The following APOBEC3A variants were observed in gnomAD, a reference collection of about 807,000 sequenced individuals.
APOBEC3A encodes apolipoprotein B mRNA editing enzyme catalytic subunit 3A.
Under a neutral mutation model 23.0 loss-of-function variants are expected in APOBEC3A, and 13 were observed. The ratio of observed to expected loss-of-function variants is 0.57; its 90% CI spans 0.37 to 0.90. The LOEUF (loss-of-function observed/expected upper bound fraction) is 0.90, where lower values mean the gene tolerates loss of function less well. Ranked by LOEUF, APOBEC3A falls within the 40% of genes least tolerant of loss-of-function variation. The pLI, the probability that APOBEC3A is intolerant of heterozygous loss-of-function variation, is 0.01. For missense variants in APOBEC3A, 179 were observed against 264.9 expected, an observed-to-expected ratio of 0.68 and a Z score of 2.25; for synonymous variants, 74 against 101.3, an observed-to-expected ratio of 0.73 and a Z score of 1.62.
rs1396193958 is a variant in APOBEC3A, at chr22:38,959,586, G to A, written c.74G>A (p.Gly25Asp). Residue 25 changes from glycine (G) to aspartate (D), a missense_variant, in exon 2 of 5, where the codon GGC (glycine) becomes GAC (aspartate). Physicochemically the swap from Gly to Asp is moderately conservative, Grantham distance 94 (BLOSUM62 -1). This residue lies in a region of APOBEC3A where 87 missense variants were observed against 74.5 expected (regional missense o/e 1.17). Coordinates refer to ENST00000249116, the MANE Select transcript of APOBEC3A (RefSeq NM_145699.4). ...PHIFTSNFNN[G>D]IGRHKTYLCY... ...ATATTCACTTCCAACTTTAACAATGGCATTGGAAGGCATAAGACCTACCTG... is the reference window on the plus strand; with the variant it reads ...ATATTCACTTCCAACTTTAACAATGACATTGGAAGGCATAAGACCTACCTG... 1 of 1,614,050 alleles carries A rather than the reference G, an allele frequency of 6.2e-7. No homozygotes were observed.
intron 1 of APOBEC3A, among the ~76,000 whole-genome samples, chr22:38,958,529 CTTTT>C (rs1389128495): frequency 6.2e-4 from 81 of 131,108 alleles, no homozygotes; most frequent in African/African-American, 2.3e-3. Context: ...TTCTTTCTTT[CTTTT>C]ACTTCCTTCC....
rs576529097 is a variant in APOBEC3A, at chr22:38,962,135, G to T, written c.507G>T (p.Gln169His). ...KHCWDTFVDHQGCPFQPWDGL... is the reference protein window; with the variant it reads ...KHCWDTFVDHHGCPFQPWDGL... ...GCTGGGACACCTTTGTGGACCACCA[G>T]GGATGTCCCTTCCAGCCCTGGGATG... is the stretch of plus-strand genomic sequence containing the variant. Residue 169 changes from glutamine to histidine, a missense_variant, in exon 4 of 5, where the codon CAG becomes CAT. This residue lies in a region of APOBEC3A where 37 missense variants were observed against 43.1 expected (regional missense o/e 0.86). Coordinates refer to ENST00000249116, the MANE Select transcript of APOBEC3A (RefSeq NM_145699.4). 6.2e-7 allele frequency: 1 copy of T among 1,613,086 alleles called. No homozygotes were observed.
chr22:38,958,419 C>T (rs556454082), intron 1 of APOBEC3A, among the ~76,000 whole-genome samples: 35 of 138,266 alleles, frequency 2.5e-4, no homozygotes, highest in African/African-American at 9.7e-4. Flanking sequence ...CCCTTCTGTG[C>T]TTCCTTCCTT....
Position 38,959,665 on chromosome 22 carries a change from C to T in APOBEC3A, c.153C>T (p.His51=). The T allele has an allele frequency of 1.2e-6, 2 of 1,613,896 alleles. No individual in the cohort carries two copies. Among genetic ancestry groups the T allele is most frequent in the African/African-American group, 1.3e-5 (1 of 75,028 alleles). Reference sequence around the variant, plus strand: ...GCACCTCGGTCAAGATGGACCAGCACAGGGGCTTTCTACACAACCAGGTGA... The same window carrying T: ...GCACCTCGGTCAAGATGGACCAGCATAGGGGCTTTCTACACAACCAGGTGA... The part of the protein sequence containing the change: ...DNGTSVKMDQ[H]RGFLHNQAKN... The change falls in exon 2 of 5, where the codon CAC becomes CAT. Residue 51 remains histidine (H), a synonymous_variant. Transcript: ENST00000249116.
chr22:38,957,750 G>T (rs981140702), intron 1 of APOBEC3A, 30 bp downstream of exon 1: 2 of 1,606,026 alleles, frequency 1.2e-6, no homozygotes, highest in Non-Finnish European at 1.7e-6. Flanking sequence ...GCACCTCTGC[G>T]CCTCAGCCTC....
At chr22:38,962,354 C>T (rs1922942501) in intron 4 of APOBEC3A, 141 bp downstream of exon 4, 1 of 1,556,648 alleles carries the variant, frequency 6.4e-7, no homozygotes. Context: ...CCCTCCCTTT[C>T]CTTCTCACAG....
rs1326649188 is a variant in APOBEC3A at position 38,962,917 on chromosome 22, T to C, written c.*408T>C. ...AGCTTGCGGTGAGCCGAGATTGCGC[T>C]ACTGCACTCCAGCCTGGGCGACAGT... On this transcript the variant is annotated 3_prime_UTR_variant, in exon 5 of 5. Coordinates refer to ENST00000249116, the MANE Select transcript of APOBEC3A (RefSeq NM_145699.4). 7.7e-5 allele frequency: 21 copies of C among 274,252 alleles called. 1 individual carries two copies. Among genetic ancestry groups the C allele is most frequent in the East Asian group, 3.5e-4 (3 of 8,484 alleles). The allele number at this position is 274,252 out of a possible 1,614,324, so 17.0% of individuals were successfully genotyped here.
intron 2 of APOBEC3A, among the ~76,000 whole-genome samples, chr22:38,960,878 G>A (rs1464498028): frequency 1.3e-5 from 2 of 151,712 alleles, no homozygotes; most frequent in Admixed American, 6.6e-5. Context: ...TCGGGGCTCC[G>A]CCGGCCCCTC....
Position 38,962,221 on chromosome 22 carries a change from C to T in APOBEC3A, c.585+8C>T. ...CTGCGGGCCATTCTCCAGGTGAGGG[C>T]TTCCTCCCTCTGCCCGGTGCCCCAT... On this transcript the variant is annotated splice_region_variant and intron_variant, in intron 4 of 4. Transcript: ENST00000249116. 1.9e-6 allele frequency: 3 copies of T among 1,613,182 alleles called. No homozygotes were observed. Among genetic ancestry groups the T allele is most frequent in the East Asian group, 2.2e-5 (1 of 44,858 alleles).
At chr22:38,961,954 G>A (rs1922913950) in intron 3 of APOBEC3A, 144 bp from the exon 4 acceptor site, 2 of 1,226,248 alleles carry the variant, frequency 1.6e-6, no homozygotes, top group Non-Finnish European at 1.1e-6. Flanking sequence ...ACTGCCTGAT[G>A]AAGGAGCTAA....
At chr22:38,959,471 G>A in intron 1 of APOBEC3A, 71 bp from the exon 2 acceptor site, 1 of 1,557,220 alleles carries the variant, frequency 6.4e-7, no homozygotes, top group South Asian at 1.2e-5. Context: ...AGGAAGTGTG[G>A]GGAGGGAGGA....
intron 1 of APOBEC3A, among the ~76,000 whole-genome samples, chr22:38,958,076 T>G (rs1415686936): frequency 6.6e-6 from 1 of 152,244 alleles, no homozygotes; most frequent in African/African-American, 2.4e-5. Context: ...GTATCTGGAC[T>G]TGGCCTAAGC....
Position 38,963,031 on chromosome 22 carries a change from T to A in APOBEC3A, c.*522T>A, listed in dbSNP as rs1462965414. 2 of 162,130 alleles carry A rather than the reference T, an allele frequency of 1.2e-5. No homozygotes were observed. Among genetic ancestry groups the A allele is most frequent in the Non-Finnish European group, 2.7e-5 (2 of 74,870 alleles). The allele number at this position is 162,130 out of a possible 1,614,324, so 10.0% of individuals were successfully genotyped here. A position where few individuals can be genotyped will look rare whatever the true frequency, so the allele number is the denominator to read the frequency against. On this transcript the variant is annotated 3_prime_UTR_variant, in exon 5 of 5. Transcript: ENST00000249116. ...ATGTTCCAAGTACACAATAGTAAGA[T>A]TATGCTCAATATTCTCAGAATAATT...
intron 1 of APOBEC3A, 69 bp downstream of exon 1, chr22:38,957,789 C>T: frequency 6.4e-7 from 1 of 1,560,648 alleles, no homozygotes; most frequent in Non-Finnish European, 8.7e-7. Context: ...TGAGCACTCA[C>T]CTCTCACCCT....
At position 38,962,830 on chromosome 22, in the gene APOBEC3A, C is replaced by T. The variant is rs565853214; in HGVS notation, c.*321C>T. 78 of 474,114 alleles carry T rather than the reference C, an allele frequency of 1.6e-4. 7 individuals are homozygous for T. Among genetic ancestry groups the T allele is most frequent in the South Asian group, 1.3e-3 (56 of 43,808 alleles). The allele number at this position is 474,114 out of a possible 1,614,324, so 29.4% of individuals were successfully genotyped here. On this transcript the variant is annotated 3_prime_UTR_variant, in exon 5 of 5. Transcript: ENST00000249116. Reference sequence around the variant, plus strand: ...AAAATTAGCCAGGCGTGGTGGCGGGCGCCTGTAGTCCCAGCTACTCTGGAG... The same window carrying T: ...AAAATTAGCCAGGCGTGGTGGCGGGTGCCTGTAGTCCCAGCTACTCTGGAG...
At chr22:38,957,984 C>A (rs1185284447) in intron 1 of APOBEC3A, among the ~76,000 whole-genome samples, 1 of 152,194 alleles carries the variant, frequency 6.6e-6, no homozygotes, top group Non-Finnish European at 1.5e-5. Context: ...GTGCTGTGCC[C>A]CAGCCAGTGA....
In APOBEC3A at chr22:38,959,677, A is replaced by G; in HGVS notation, c.165A>G (p.Leu55=). The G allele has an allele frequency of 6.2e-7, 1 of 1,613,508 alleles. No individual in the cohort carries two copies. Among genetic ancestry groups the G allele is most frequent in the Non-Finnish European group, 8.5e-7 (1 of 1,179,726 alleles). ...SVKMDQHRGF[L]HNQAKNLLCG... ...AGATGGACCAGCACAGGGGCTTTCT[A>G]CACAACCAGGTGACCGACCCAGCCA... The change falls in exon 2 of 5, where the codon CTA becomes CTG. Residue 55 remains leucine, a synonymous_variant. Transcript: ENST00000249116.
rs114626243 is a variant in APOBEC3A, at chr22:38,963,141, C to A, written c.*632C>A. ...TAAGAATCTTCCATAATTGCTTTTG[C>A]TCAGTAACTGTGTCATGAATTGCAA... is the stretch of plus-strand genomic sequence containing the variant. On this transcript the variant is annotated 3_prime_UTR_variant, in exon 5 of 5. Transcript: ENST00000249116. 0.013 allele frequency: 1,937 copies of A among 153,268 alleles called. 137 individuals are homozygous for A. Among genetic ancestry groups the A allele is most frequent in the African/African-American group, 0.045 (1,839 of 41,026 alleles). The allele number at this position is 153,268 out of a possible 1,614,324, so 9.5% of individuals were successfully genotyped here. A position where few individuals can be genotyped will look rare whatever the true frequency, so the allele number is the denominator to read the frequency against.
chr22:38,962,214 G>C lies in APOBEC3A; in HGVS notation c.585+1G>C, dbSNP rs1359460577. 6 of 1,613,514 alleles carry C rather than the reference G, an allele frequency of 3.7e-6. No homozygotes were observed. The highest frequency in any genetic ancestry group is 2.7e-5 in the African/African-American group (2 of 74,700). On this transcript the variant is annotated splice_donor_variant, in intron 4 of 4. Transcript: ENST00000249116. LOFTEE classifies it high-confidence loss of function. Reference sequence around the variant, plus strand: ...TGGGAGGCTGCGGGCCATTCTCCAGGTGAGGGCTTCCTCCCTCTGCCCGGT... The same window carrying C: ...TGGGAGGCTGCGGGCCATTCTCCAGCTGAGGGCTTCCTCCCTCTGCCCGGT...
Sources: gnomAD v4.1 joint callset for allele counts (sites outside exome capture counted in the v4.1 genomes callset) on GRCh38, gnomAD v4.1.1 for gene constraint, gnomAD v4.1.1 regional missense constraint, MANE v1.5 for transcripts, NCBI Gene and HGNC (gene_info 2026-07-23, HGNC 2026-07-21) for gene names.